Variants in CNTNAP2 observed in about 807,000 individuals in gnomAD.
CNTNAP2 encodes contactin associated protein 2, also known as contactin-associated protein-like 2.
A neutral mutation model predicts 155.2 loss-of-function variants in CNTNAP2; 98 were observed. The ratio of observed to expected loss-of-function variants is 0.63; its 90% CI spans 0.54 to 0.75. The LOEUF (loss-of-function observed/expected upper bound fraction) is 0.75. Ranked by LOEUF, CNTNAP2 falls within the 30% of genes least tolerant of loss-of-function variation. The probability of loss-of-function intolerance (pLI) is 0.00; values close to 1 mark genes in which losing one functional copy is unlikely to be tolerated. For synonymous variants in CNTNAP2, 651 were observed against 631.2 expected (o/e 1.03, Z -0.47); for missense variants, 1,727 against 1,688.1 (o/e 1.02, Z -0.40).
Position 147,138,328 on chromosome 7 carries a change from G to A in CNTNAP2, c.1348+5819G>A, listed in dbSNP as rs115544688. ...CCAAAAGTGAGATAGATAAAGATCT[G>A]AGTACTAGATCTAAATAGACACATA... On this transcript the variant is annotated intron_variant, in intron 8 of 23. Coordinates refer to ENST00000361727, the MANE Select transcript of CNTNAP2 (RefSeq NM_014141.6). Among the ~76,000 whole-genome samples, 870 of 152,052 alleles carry A rather than the reference G, an allele frequency of 5.7e-3. 2 individuals are homozygous for A. The highest frequency in any genetic ancestry group is 0.02 in the African/African-American group (813 of 41,530).
chr7:146,715,267 C>T (rs1175552563), intron 1 of CNTNAP2, among the ~76,000 whole-genome samples: 3 of 152,064 alleles, frequency 2.0e-5, no homozygotes, highest in African/African-American at 7.2e-5. Flanking sequence ...AGGAGGGGGA[C>T]ATTGCAGTGA....
chr7:147,899,197 A>C (rs1799821006), intron 13 of CNTNAP2, among the ~76,000 whole-genome samples: 1 of 152,034 alleles, frequency 6.6e-6, no homozygotes, highest in Non-Finnish European at 1.5e-5. Flanking sequence ...AAAATTAGCC[A>C]AGTGTGGTGG....
intron 1 of CNTNAP2, among the ~76,000 whole-genome samples, chr7:146,662,698 T>A (rs1800113732): frequency 1.3e-5 from 2 of 152,224 alleles, no homozygotes; most frequent in African/African-American, 2.4e-5. Flanking sequence ...TCACAAATAT[T>A]TTCTCCTCCA....
At chr7:147,612,980 C>T (rs994089667) in intron 12 of CNTNAP2, among the ~76,000 whole-genome samples, 6 of 152,092 alleles carry the variant, frequency 3.9e-5, no homozygotes, top group Non-Finnish European at 1.5e-5. Flanking sequence ...TTTACTATTG[C>T]AAACAATATT....
chr7:147,701,893 A>AC, intron 13 of CNTNAP2, among the ~76,000 whole-genome samples: 1 of 152,122 alleles, frequency 6.6e-6, no homozygotes, highest in South Asian at 2.1e-4. Context: ...TGCGGAAGGA[A>AC]CCCTGTTAGA....
At chr7:147,372,758 G>C (rs765904110) in intron 9 of CNTNAP2, among the ~76,000 whole-genome samples, 4 of 152,024 alleles carry the variant, frequency 2.6e-5, no homozygotes, top group Non-Finnish European at 4.4e-5. Context: ...TCAAGTGAGA[G>C]AGCCTGAACC....
intron 2 of CNTNAP2, among the ~76,000 whole-genome samples, chr7:146,825,482 A>G (rs567137396): frequency 2.0e-5 from 3 of 152,162 alleles, no homozygotes; most frequent in Non-Finnish European, 4.4e-5. Flanking sequence ...CATAAAAGGC[A>G]TTTGAGTTAG....
At chr7:146,135,326 G>A (rs191659845) in intron 1 of CNTNAP2, among the ~76,000 whole-genome samples, 132 of 152,164 alleles carry the variant, frequency 8.7e-4, no homozygotes, top group African/African-American at 3.0e-3. Flanking sequence ...TCAGAAAGAT[G>A]TAGATACTCC....
chr7:147,372,539 A>G (rs992143863), intron 9 of CNTNAP2, among the ~76,000 whole-genome samples: 5 of 152,144 alleles, frequency 3.3e-5, no homozygotes, highest in Non-Finnish European at 7.4e-5. Context: ...GTCAAGAGAC[A>G]TAGGTCAATT....
intron 14 of CNTNAP2, among the ~76,000 whole-genome samples, chr7:147,922,554 G>A (rs903528965): frequency 1.3e-5 from 2 of 152,330 alleles, no homozygotes; most frequent in Admixed American, 1.3e-4. Flanking sequence ...TGAAAGCTTA[G>A]ATTTTTTTCT....
At chr7:147,536,576 C>A (rs557892945) in intron 11 of CNTNAP2, among the ~76,000 whole-genome samples, 1 of 152,018 alleles carries the variant, frequency 6.6e-6, no homozygotes, top group Non-Finnish European at 1.5e-5. Context: ...TGAGTTTTTG[C>A]GAGTGAGGGG....
At chr7:147,217,575 T>C (rs1211280114) in intron 8 of CNTNAP2, among the ~76,000 whole-genome samples, 1 of 152,014 alleles carries the variant, frequency 6.6e-6, no homozygotes, top group East Asian at 1.9e-4. Context: ...TGAGGATATT[T>C]GTATCTATAT....
intron 1 of CNTNAP2, among the ~76,000 whole-genome samples, chr7:146,419,317 A>G (rs890976379): frequency 2.6e-5 from 4 of 152,088 alleles, no homozygotes; most frequent in African/African-American, 9.7e-5. Flanking sequence ...ATCTCCCACC[A>G]GGTCCCTCCC....
At chr7:148,317,529 C>G (rs1382681153) in intron 21 of CNTNAP2, among the ~76,000 whole-genome samples, 1 of 142,052 alleles carries the variant, frequency 7.0e-6, no homozygotes, top group African/African-American at 2.5e-5. Context: ...AGACTCCAGT[C>G]TCCAAAAAAA....
chr7:147,784,549 ATG>A (rs1797709463), intron 13 of CNTNAP2, among the ~76,000 whole-genome samples: 6 of 75,900 alleles, frequency 7.9e-5, no homozygotes, highest in Admixed American at 4.8e-4. Flanking sequence ...ATATATATAT[ATG>A]AGTTTTTTTG....
intron 21 of CNTNAP2, among the ~76,000 whole-genome samples, chr7:148,305,509 A>G (rs1391102141): frequency 1.3e-5 from 2 of 152,148 alleles, no homozygotes; most frequent in African/African-American, 4.8e-5. Context: ...AAAGAACTAC[A>G]TGAGACTGGG....
intron 1 of CNTNAP2, among the ~76,000 whole-genome samples, chr7:146,346,867 G>A (rs565035296): frequency 9.9e-5 from 15 of 152,256 alleles, no homozygotes; most frequent in African/African-American, 2.2e-4. Flanking sequence ...CCAGAGGACC[G>A]ATAGTGCATG....
intron 13 of CNTNAP2, among the ~76,000 whole-genome samples, chr7:147,845,204 G>A (rs1259649645): frequency 1.8e-5 from 2 of 108,206 alleles, no homozygotes; most frequent in African/African-American, 3.5e-5. Flanking sequence ...GGTAGAATTC[G>A]GCTGTGAATC....
chr7:147,226,423 C>T (rs1275417064), intron 8 of CNTNAP2, among the ~76,000 whole-genome samples: 2 of 151,904 alleles, frequency 1.3e-5, no homozygotes, highest in Non-Finnish European at 2.9e-5. Flanking sequence ...AGGACTTCAT[C>T]GTGTAGTTGA....
Sources: gnomAD v4.1 joint callset for allele counts (sites outside exome capture counted in the v4.1 genomes callset) on GRCh38, gnomAD v4.1.1 for gene constraint, MANE v1.5 for transcripts, NCBI Gene and HGNC (gene_info 2026-07-23, HGNC 2026-07-21) for gene names.